Variants in ASTN2 observed in about 807,000 individuals in gnomAD.
The protein encoded by ASTN2 is astrotactin 2.
In ASTN2, 54 loss-of-function variants were observed where a neutral mutation model predicts 139.8. The observed-to-expected ratio is 0.39, with a 90% CI of 0.31 to 0.48. The LOEUF is 0.48. Among genes scored for constraint, ASTN2 ranks in the 20% least tolerant of loss-of-function variants. ASTN2 has a pLI of 0.95. For synonymous variants in ASTN2, 756 were observed against 719.5 expected, an observed-to-expected ratio of 1.05 and a Z score of -0.81; for missense variants, 1,565 against 1,725.1, an observed-to-expected ratio of 0.91 and a Z score of 1.64.
intron 20 of ASTN2, among the ~76,000 whole-genome samples, chr9:116,448,209 G>A (rs950516652): frequency 3.6e-5 from 5 of 140,780 alleles, no homozygotes; most frequent in African/African-American, 1.0e-4. Context: ...CCCCAGTCTT[G>A]TAAAATGCTC....
chr9:116,718,438 A>G (rs1484413526), intron 16 of ASTN2, among the ~76,000 whole-genome samples: 1 of 152,200 alleles, frequency 6.6e-6, no homozygotes, highest in East Asian at 1.9e-4. Flanking sequence ...TTTTAATCCA[A>G]GGAATAACAT....
At chr9:116,997,525 A>T (rs1054505527) in intron 7 of ASTN2, among the ~76,000 whole-genome samples, 2 of 152,134 alleles carry the variant, frequency 1.3e-5, no homozygotes, top group African/African-American at 4.8e-5. Flanking sequence ...CAAAGGATTC[A>T]TGCCTGCCTC....
At chr9:117,109,702 C>A (rs1829201920) in intron 4 of ASTN2, among the ~76,000 whole-genome samples, 1 of 152,026 alleles carries the variant, frequency 6.6e-6, no homozygotes, top group African/African-American at 2.4e-5. Flanking sequence ...TTGTTTCATC[C>A]AATAGGACAA....
At chr9:117,035,302 T>C (rs977474925) in intron 6 of ASTN2, among the ~76,000 whole-genome samples, 4 of 152,156 alleles carry the variant, frequency 2.6e-5, no homozygotes, top group African/African-American at 9.7e-5. Context: ...AAGGGGCCAG[T>C]ATTATGATGT....
intron 5 of ASTN2, among the ~76,000 whole-genome samples, chr9:117,078,724 C>G (rs368296517): frequency 2.0e-5 from 3 of 151,902 alleles, no homozygotes; most frequent in African/African-American, 4.8e-5. Flanking sequence ...TCCTGGAGAG[C>G]TTTTTATTTT....
At chr9:116,579,828 A>G (rs1853876145) in intron 19 of ASTN2, among the ~76,000 whole-genome samples, 1 of 152,140 alleles carries the variant, frequency 6.6e-6, no homozygotes, top group Admixed American at 6.6e-5. Flanking sequence ...CCTAAGTCAC[A>G]TTATCTTTTT....
rs527241420 is a variant in ASTN2 at position 116,733,903 on chromosome 9, G to A, written c.2397-380C>T. On this transcript the variant is annotated intron_variant, in intron 13 of 22. Coordinates refer to ENST00000313400, the MANE Select transcript of ASTN2 (RefSeq NM_001365068.1). ...GATGCTCTATAAACTGTATGTGGCCGCTAAATGTCCCCTGGCATAAGCAGT... is the reference window on the plus strand; with the variant it reads ...GATGCTCTATAAACTGTATGTGGCCACTAAATGTCCCCTGGCATAAGCAGT... Among the ~76,000 whole-genome samples, 402 of 152,244 alleles carry A rather than the reference G, an allele frequency of 2.6e-3. 2 individuals carry two copies. Among genetic ancestry groups the A allele is most frequent in the African/African-American group, 9.0e-3 (375 of 41,540 alleles).
At position 116,424,835 on chromosome 9, in the gene ASTN2, T is replaced by A. The variant is rs576295101; in HGVS notation, c.*1016A>T. Reference sequence around the variant, plus strand: ...AACTCCTGGCCTCAAGTGATCCACCTGCCCTGGCCTCCCAAAGTGCTAGGA... The same window carrying A: ...AACTCCTGGCCTCAAGTGATCCACCAGCCCTGGCCTCCCAAAGTGCTAGGA... On this transcript the variant is annotated 3_prime_UTR_variant, in exon 23 of 23. Transcript: ENST00000313400. Among the ~76,000 whole-genome samples, 1 of 152,110 alleles carries A rather than the reference T, an allele frequency of 6.6e-6. No individual in the cohort carries two copies. Among genetic ancestry groups the A allele is most frequent in the Non-Finnish European group, 1.5e-5 (1 of 68,018 alleles).
At chr9:116,815,170 G>C (rs553001346) in intron 12 of ASTN2, among the ~76,000 whole-genome samples, 22 of 152,250 alleles carry the variant, frequency 1.4e-4, no homozygotes, top group African/African-American at 5.1e-4. Flanking sequence ...CATTGTCTCT[G>C]TTCTGTCGTT....
At chr9:116,650,684 T>A (rs1457624773) in intron 17 of ASTN2, among the ~76,000 whole-genome samples, 1 of 152,202 alleles carries the variant, frequency 6.6e-6, no homozygotes, top group Non-Finnish European at 1.5e-5. Context: ...AACCCATGTC[T>A]TCTCCTAGGC....
chr9:117,067,529 T>C (rs1351873628), intron 5 of ASTN2, among the ~76,000 whole-genome samples: 1 of 139,160 alleles, frequency 7.2e-6, no homozygotes, highest in Non-Finnish European at 1.6e-5. Context: ...AGTAGTTTTT[T>C]CCAATTCTGT....
intron 13 of ASTN2, among the ~76,000 whole-genome samples, chr9:116,791,675 T>C (rs960254820): frequency 2.6e-5 from 4 of 152,346 alleles, no homozygotes; most frequent in Admixed American, 6.5e-5. Context: ...ACCTTATCTG[T>C]TCATAGGTTC....
At chr9:116,964,243 G>GTGTT (rs1835946512) in intron 10 of ASTN2, among the ~76,000 whole-genome samples, 1 of 137,058 alleles carries the variant, frequency 7.3e-6, no homozygotes, top group Non-Finnish European at 1.6e-5. Context: ...GTGTGTGTGT[G>GTGTT]TGTGTGTGTG....
intron 22 of ASTN2, among the ~76,000 whole-genome samples, chr9:116,426,570 A>T (rs757948385): frequency 6.6e-6 from 1 of 152,204 alleles, no homozygotes; most frequent in Non-Finnish European, 1.5e-5. Context: ...GAATAATGAC[A>T]TTACTTGACT....
At chr9:116,967,579 G>T (rs1836049637) in intron 10 of ASTN2, among the ~76,000 whole-genome samples, 1 of 152,222 alleles carries the variant, frequency 6.6e-6, no homozygotes, top group Admixed American at 6.5e-5. Context: ...TGCCTACAAT[G>T]TGTGCACACA....
chr9:117,324,867 A>G (rs1828459930), intron 1 of ASTN2, among the ~76,000 whole-genome samples: 1 of 152,106 alleles, frequency 6.6e-6, no homozygotes, highest in Admixed American at 6.5e-5. Context: ...GGGATGAGAT[A>G]CCTTGGATAG....
At chr9:116,760,094 T>C (rs906637336) in intron 13 of ASTN2, among the ~76,000 whole-genome samples, 3 of 152,092 alleles carry the variant, frequency 2.0e-5, no homozygotes, top group Non-Finnish European at 2.9e-5. Flanking sequence ...AAATAAGATA[T>C]CATTATTATC....
At chr9:116,830,990 CACCATGGAATACTACTAGGGCATAAAA>C in intron 11 of ASTN2, among the ~76,000 whole-genome samples, 1 of 151,834 alleles carries the variant, frequency 6.6e-6, no homozygotes, top group Middle Eastern at 3.4e-3. Flanking sequence ...CCCACAGACA[CACCATGGAATACTACTAGGGCATAAAA>C]AAGAATGAAA....
intron 1 of ASTN2, among the ~76,000 whole-genome samples, chr9:117,349,988 G>A (rs1284836647): frequency 6.6e-6 from 1 of 152,170 alleles, no homozygotes; most frequent in East Asian, 1.9e-4. Context: ...TGGAAACCGA[G>A]TAAAATCTGA....
Sources: gnomAD v4.1 joint callset for allele counts (sites outside exome capture counted in the v4.1 genomes callset) on GRCh38, gnomAD v4.1.1 for gene constraint, MANE v1.5 for transcripts, NCBI Gene and HGNC (gene_info 2026-07-23, HGNC 2026-07-21) for gene names.